PITPNC1: variants seen among roughly 807,000 people sequenced by gnomAD.
PITPNC1 encodes cytoplasmic phosphatidylinositol transfer protein 1.
Under a neutral mutation model 44.7 loss-of-function variants are expected in PITPNC1, and 18 were observed. The observed-to-expected ratio is 0.40, with a 90% CI of 0.28 to 0.60. The LOEUF is 0.60. Ranked by LOEUF, PITPNC1 falls within the 20% of genes least tolerant of loss-of-function variation. The pLI, the probability that PITPNC1 is intolerant of heterozygous loss-of-function variation, is 0.39. For synonymous variants in PITPNC1, 141 were observed against 149.6 expected (o/e 0.94, Z 0.42); for missense variants, 290 against 418.4 (o/e 0.69, Z 2.68).
At chr17:67,632,063 TG>T in intron 5 of PITPNC1, 79 bp from the exon 6 acceptor site, 2 of 811,824 alleles carry the variant, frequency 2.5e-6, no homozygotes, top group East Asian at 4.9e-5. Flanking sequence ...ATGCTCTGTG[TG>T]GGGGTTATTC....
intron 1 of PITPNC1, among the ~76,000 whole-genome samples, chr17:67,494,134 C>CT (rs148656557): frequency 0.13 from 17,392 of 132,742 alleles, 1,271 homozygotes; most frequent in Middle Eastern, 0.24. Flanking sequence ...TTATCGGTTG[C>CT]TTTTTTCCAC....
At chr17:67,603,389 C>G (rs747101105) in intron 5 of PITPNC1, among the ~76,000 whole-genome samples, 2 of 152,178 alleles carry the variant, frequency 1.3e-5, no homozygotes, top group Non-Finnish European at 2.9e-5. Flanking sequence ...CGGATATTGG[C>G]AGGAATATTT....
chr17:67,498,223 C>T (rs2039981761), intron 1 of PITPNC1, among the ~76,000 whole-genome samples: 1 of 152,150 alleles, frequency 6.6e-6, no homozygotes, highest in South Asian at 2.1e-4. Flanking sequence ...CTGGCTCCCT[C>T]ATATCTCTTG....
intron 1 of PITPNC1, among the ~76,000 whole-genome samples, chr17:67,380,756 TA>T (rs34161417): frequency 0.051 from 7,815 of 152,120 alleles, 293 homozygotes; most frequent in Middle Eastern, 0.14. Context: ...GATGTTTAGG[TA>T]AACTTTGGAA....
intron 1 of PITPNC1, among the ~76,000 whole-genome samples, chr17:67,518,024 T>G (rs2040279874): frequency 6.6e-6 from 1 of 152,102 alleles, no homozygotes; most frequent in Non-Finnish European, 1.5e-5. Flanking sequence ...AAAATGCAAA[T>G]GGTCAAGAAT....
At chr17:67,606,649 A>G (rs1254642289) in intron 5 of PITPNC1, among the ~76,000 whole-genome samples, 1 of 152,206 alleles carries the variant, frequency 6.6e-6, no homozygotes, top group Non-Finnish European at 1.5e-5. Flanking sequence ...ACAACCTGCT[A>G]TCAGCAACCA....
At chr17:67,598,786 G>A (rs888739989) in intron 5 of PITPNC1, among the ~76,000 whole-genome samples, 1 of 151,630 alleles carries the variant, frequency 6.6e-6, no homozygotes, top group African/African-American at 2.4e-5. Context: ...CCAGCTACTT[G>A]GGAAGCTGAG....
intron 6 of PITPNC1, among the ~76,000 whole-genome samples, chr17:67,658,972 T>C (rs1246255983): frequency 6.6e-6 from 1 of 152,130 alleles, no homozygotes; most frequent in Non-Finnish European, 1.5e-5. Flanking sequence ...AAAAGACAGA[T>C]GGGGAAAGAA....
intron 1 of PITPNC1, among the ~76,000 whole-genome samples, chr17:67,418,963 T>G (rs991439714): frequency 6.6e-6 from 1 of 152,196 alleles, no homozygotes; most frequent in African/African-American, 2.4e-5. Context: ...TGGGTAGTGT[T>G]CAGAAATCAC....
At chr17:67,420,128 C>G (rs1017296529) in intron 1 of PITPNC1, among the ~76,000 whole-genome samples, 1 of 152,234 alleles carries the variant, frequency 6.6e-6, no homozygotes, top group South Asian at 2.1e-4. Flanking sequence ...AAAAAAGGCA[C>G]TCTGTGGAAG....
intron 1 of PITPNC1, among the ~76,000 whole-genome samples, chr17:67,461,479 C>T (rs2039336684): frequency 6.6e-6 from 1 of 152,232 alleles, no homozygotes; most frequent in Non-Finnish European, 1.5e-5. Context: ...ACATATCACA[C>T]AGGATGTGTC....
chr17:67,609,967 A>G (rs1238270829), intron 5 of PITPNC1, among the ~76,000 whole-genome samples: 1 of 152,140 alleles, frequency 6.6e-6, no homozygotes, highest in Non-Finnish European at 1.5e-5. Flanking sequence ...CTAAACCCAT[A>G]TCTCCCACAG....
chr17:67,464,009 C>G (rs533391363), intron 1 of PITPNC1, among the ~76,000 whole-genome samples: 1 of 152,174 alleles, frequency 6.6e-6, no homozygotes, highest in African/African-American at 2.4e-5. Context: ...GTCTGGCCAA[C>G]ACAGTGAAAC....
chr17:67,691,643 T>C (rs1187904930), intron 8 of PITPNC1, among the ~76,000 whole-genome samples: 9 of 152,172 alleles, frequency 5.9e-5, no homozygotes, highest in Admixed American at 5.2e-4. Flanking sequence ...CGACACACAG[T>C]CAGGAAACCA....
intron 8 of PITPNC1, among the ~76,000 whole-genome samples, chr17:67,691,524 G>T (rs9896519): frequency 1.3e-5 from 2 of 152,018 alleles, no homozygotes; most frequent in South Asian, 2.1e-4. Context: ...TCAAGAAATG[G>T]TTTTATTTTC....
At chr17:67,675,861 T>C (rs1486975657) in intron 8 of PITPNC1, among the ~76,000 whole-genome samples, 1 of 152,222 alleles carries the variant, frequency 6.6e-6, no homozygotes, top group African/African-American at 2.4e-5. Flanking sequence ...AGATCAAAGC[T>C]GTCTGAAGCA....
intron 1 of PITPNC1, among the ~76,000 whole-genome samples, 199 bp downstream of exon 1, chr17:67,378,401 G>T (rs1349632978): frequency 6.6e-6 from 1 of 152,192 alleles, no homozygotes; most frequent in East Asian, 1.9e-4. Flanking sequence ...GCTGGGTGGG[G>T]CGGCGGACTC....
intron 1 of PITPNC1, among the ~76,000 whole-genome samples, chr17:67,393,360 C>T (rs1237706045): frequency 1.3e-5 from 2 of 152,008 alleles, no homozygotes; most frequent in African/African-American, 4.8e-5. Flanking sequence ...CAACCACCAT[C>T]CTACTTTCTG....
chr17:67,680,717 T>G (rs1199452395), intron 8 of PITPNC1, among the ~76,000 whole-genome samples: 4 of 152,210 alleles, frequency 2.6e-5, no homozygotes, highest in South Asian at 2.1e-4. Flanking sequence ...TACAAAAAAA[T>G]GGAGTCACCC....
Sources: gnomAD v4.1 joint callset for allele counts (sites outside exome capture counted in the v4.1 genomes callset) on GRCh38, gnomAD v4.1.1 for gene constraint, MANE v1.5 for transcripts, NCBI Gene and HGNC (gene_info 2026-07-23, HGNC 2026-07-21) for gene names.